Variants in ITGA2 observed in about 807,000 individuals in gnomAD.
The protein encoded by ITGA2 is integrin subunit alpha 2.
In ITGA2, 101 loss-of-function variants were observed where a neutral mutation model predicts 146.3. The ratio of observed to expected loss-of-function variants is 0.69; its 90% CI spans 0.59 to 0.81. The LOEUF is 0.81. ITGA2 is among the 40% of genes least tolerant of loss of function. The pLI, the probability that ITGA2 is intolerant of heterozygous loss-of-function variation, is 0.00. For missense variants in ITGA2, 1,281 were observed against 1,402.7 expected (o/e 0.91, Z 1.39); for synonymous variants, 477 against 487.1 (o/e 0.98, Z 0.27).
At chr5:53,058,737 G>A (rs1744761358) in intron 10 of ITGA2, among the ~76,000 whole-genome samples, 1 of 151,882 alleles carries the variant, frequency 6.6e-6, no homozygotes, top group Non-Finnish European at 1.5e-5. Flanking sequence ...GAAATCCCAG[G>A]ATTTGATCGG....
In ITGA2 at chr5:53,089,995, G is replaced by A. The variant is rs1740334465; in HGVS notation, c.3398G>A (p.Gly1133Glu). The change falls in exon 29 of 30, where the codon GGA becomes GAA. Residue 1133 changes from glycine (G) to glutamate (E), a missense_variant. By Grantham distance (98) the Gly-to-Glu change is moderately conservative (BLOSUM62 -2). This residue lies in a region of ITGA2 where 475 missense variants were observed against 530.5 expected (regional missense o/e 0.90). Transcript: ENST00000296585. ...GATGAGAAAGCCGAAGTACCAACAG[G>A]AGTTATAATAGGAAGTATAATTGCT... Reference protein sequence around the residue: ...KPDEKAEVPTGVIIGSIIAGI... With the variant: ...KPDEKAEVPTEVIIGSIIAGI... 9 of 1,613,614 alleles carry A rather than the reference G, an allele frequency of 5.6e-6. No homozygotes were observed. Among genetic ancestry groups the A allele is most frequent in the Non-Finnish European group, 5.9e-6 (7 of 1,179,602 alleles).
At chr5:53,018,514 G>A (rs1742510301) in intron 1 of ITGA2, among the ~76,000 whole-genome samples, 1 of 151,754 alleles carries the variant, frequency 6.6e-6, no homozygotes, top group African/African-American at 2.4e-5. Context: ...CCCAGCATCC[G>A]TGTCCTCCCT....
intron 6 of ITGA2, among the ~76,000 whole-genome samples, chr5:53,049,314 G>GAT (rs1292931335): frequency 6.6e-6 from 1 of 151,984 alleles, no homozygotes; most frequent in African/African-American, 2.4e-5. Context: ...GCCCGGCCAG[G>GAT]ATATAACATT....
Position 53,075,065 on chromosome 5 carries a change from C to T in ITGA2, c.2669C>T (p.Thr890Ile), listed in dbSNP as rs1351948739. The part of the protein sequence containing the change: ...YPALKREQQV[T>I]FTINFDFNLQ... Reference sequence around the variant, plus strand: ...AAATTTTAATTTTGTCTTTAGGTGACTTTTACTATTAACTTTGACTTCAAT... The same window carrying T: ...AAATTTTAATTTTGTCTTTAGGTGATTTTTACTATTAACTTTGACTTCAAT... The change falls in exon 22 of 30, where the codon ACT becomes ATT. Residue 890 changes from threonine to isoleucine, a missense_variant. Physicochemically the swap from Thr to Ile is moderately conservative, Grantham distance 89 (BLOSUM62 -1). Coordinates refer to ENST00000296585, the MANE Select transcript of ITGA2 (RefSeq NM_002203.4). 4 of 1,606,204 alleles carry T rather than the reference C, an allele frequency of 2.5e-6. No individual in the cohort carries two copies. The highest frequency in any genetic ancestry group is 2.6e-6 in the Non-Finnish European group (3 of 1,174,592).
intron 28 of ITGA2, among the ~76,000 whole-genome samples, chr5:53,088,752 C>T (rs144982293): frequency 2.4e-4 from 36 of 151,080 alleles, no homozygotes; most frequent in African/African-American, 8.5e-4. Context: ...TACTTTTGCA[C>T]CAGCTTAATA....
intron 12 of ITGA2, 86 bp downstream of exon 12, chr5:53,061,132 A>G (rs1744889063): frequency 7.7e-7 from 1 of 1,306,142 alleles, no homozygotes; most frequent in Admixed American, 1.7e-5. Context: ...GGAAAACAAC[A>G]TGGCCTGAGT....
At position 53,060,213 on chromosome 5, in the gene ITGA2, G is replaced by C. The variant is rs572294329; in HGVS notation, c.1312+201G>C. On this transcript the variant is annotated intron_variant, in intron 11 of 29. Coordinates refer to ENST00000296585, the MANE Select transcript of ITGA2 (RefSeq NM_002203.4). ...TTGGAATACTATATTATACTCACTA[G>C]TTTCTTCTGGCTGGTCAAGTGGTTG... 2.6e-5 allele frequency among the ~76,000 whole-genome samples: 4 copies of C among 152,006 alleles called. No individual in the cohort carries two copies. The East Asian group carries it at 7.8e-4, about 30-fold the overall frequency.
intron 1 of ITGA2, among the ~76,000 whole-genome samples, chr5:53,012,529 C>T (rs924740353): frequency 6.6e-6 from 1 of 152,118 alleles, no homozygotes; most frequent in Non-Finnish European, 1.5e-5. Flanking sequence ...GACTCCATGT[C>T]TTTGCTATTG....
intron 1 of ITGA2, among the ~76,000 whole-genome samples, chr5:52,996,243 G>C (rs1452481353): frequency 6.6e-6 from 1 of 152,138 alleles, no homozygotes; most frequent in African/African-American, 2.4e-5. Flanking sequence ...GTTACTTATG[G>C]TGCTGCATGG....
chr5:53,064,908 C>A lies in ITGA2; in HGVS notation c.1603-4C>A. ...TAATCATCCTTTTGTTTCCCCTTTG[C>A]AAGGGCATTTTGGGTCAGCACCAAT... On this transcript the variant is annotated splice_region_variant and splice_polypyrimidine_tract_variant and intron_variant, in intron 13 of 29. Coordinates refer to ENST00000296585, the MANE Select transcript of ITGA2 (RefSeq NM_002203.4). 1 of 1,612,242 alleles carries A rather than the reference C, an allele frequency of 6.2e-7. No individual in the cohort carries two copies. The highest frequency in any genetic ancestry group is 8.5e-7 in the Non-Finnish European group (1 of 1,178,738).
intron 1 of ITGA2, among the ~76,000 whole-genome samples, chr5:53,021,495 T>C (rs777188206): frequency 7.9e-5 from 12 of 152,182 alleles, no homozygotes; most frequent in Non-Finnish European, 1.5e-4. Flanking sequence ...TCCCAGACTC[T>C]AGAGCATGGT....
intron 1 of ITGA2, among the ~76,000 whole-genome samples, chr5:53,011,961 C>T (rs1161314351): frequency 6.6e-6 from 1 of 152,126 alleles, no homozygotes; most frequent in Non-Finnish European, 1.5e-5. Context: ...TTTGTCATCA[C>T]TGATTTTAGC....
intron 4 of ITGA2, among the ~76,000 whole-genome samples, chr5:53,047,687 A>G (rs561566207): frequency 6.6e-6 from 1 of 152,292 alleles, no homozygotes; most frequent in East Asian, 1.9e-4. Context: ...GCAGGCAGAA[A>G]ACATAGTGGT....
chr5:53,064,881 T>G lies in ITGA2; in HGVS notation c.1603-31T>G, dbSNP rs1237876635. The stretch of plus-strand genomic sequence containing the variant: ...TAATTATACAAGTTGTAAGGTTTGC[T>G]TTAATCATCCTTTTGTTTCCCCTTT... On this transcript the variant is annotated intron_variant, in intron 13 of 29. Transcript: ENST00000296585. 1.9e-6 allele frequency: 3 copies of G among 1,601,440 alleles called. No individual in the cohort carries two copies. The Admixed American group carries it at 5.0e-5, about 27-fold the overall frequency.
At chr5:53,070,310 G>C in intron 17 of ITGA2, 50 bp downstream of exon 17, 1 of 1,593,528 alleles carries the variant, frequency 6.3e-7, no homozygotes, top group South Asian at 1.1e-5. Context: ...CTAAAGACGA[G>C]AGAGTGGTAA....
intron 2 of ITGA2, among the ~76,000 whole-genome samples, chr5:53,033,743 A>G (rs1190686961): frequency 6.7e-6 from 1 of 149,724 alleles, no homozygotes; most frequent in Non-Finnish European, 1.5e-5. Flanking sequence ...AATTATAGGC[A>G]TGTGCCACCA....
At chr5:53,005,094 A>G (rs1193734210) in intron 1 of ITGA2, among the ~76,000 whole-genome samples, 1 of 151,474 alleles carries the variant, frequency 6.6e-6, no homozygotes, top group East Asian at 1.9e-4. Flanking sequence ...TAATGATGAG[A>G]TACACTTTAG....
Position 53,075,266 on chromosome 5 carries a change from A to G in ITGA2, c.2787A>G (p.Lys929=), listed in dbSNP as rs769916907. 12 of 1,612,794 alleles carry G rather than the reference A, an allele frequency of 7.4e-6. No homozygotes were observed. The highest frequency in any genetic ancestry group is 1.0e-5 in the Non-Finnish European group (12 of 1,179,328). The change falls in exon 23 of 30, where the codon AAA becomes AAG. Residue 929 remains lysine (K), a synonymous_variant. Transcript: ENST00000296585. ...AGGCTGATAATTTGGTCAACCTCAA[A>G]ATTCCTCTCCTGTATGATGCTGAAA... The part of the protein sequence containing the change: ...ENKADNLVNL[K]IPLLYDAEIH...
At chr5:53,039,999 T>C (rs1432647918) in intron 2 of ITGA2, among the ~76,000 whole-genome samples, 5 of 151,990 alleles carry the variant, frequency 3.3e-5, no homozygotes, top group African/African-American at 1.2e-4. Context: ...TTTTTTTTAA[T>C]GGGATGTGGA....
Sources: gnomAD v4.1 joint callset for allele counts (sites outside exome capture counted in the v4.1 genomes callset) on GRCh38, gnomAD v4.1.1 for gene constraint, gnomAD v4.1.1 regional missense constraint, MANE v1.5 for transcripts, NCBI Gene and HGNC (gene_info 2026-07-23, HGNC 2026-07-21) for gene names.